The following THSD7A variants were observed in gnomAD, a reference collection of about 807,000 sequenced individuals.
The protein encoded by THSD7A is thrombospondin type-1 domain-containing protein 7A.
In THSD7A, 96 loss-of-function variants were observed where a neutral mutation model predicts 231.3. The ratio of observed to expected loss-of-function variants is 0.41; its 90% CI spans 0.35 to 0.49. THSD7A has a LOEUF of 0.49. Among genes scored for constraint, THSD7A ranks in the 20% least tolerant of loss-of-function variants. The pLI is 0.05. For missense variants in THSD7A, 2,290 were observed against 2,070.2 expected (o/e 1.11, Z -2.06); for synonymous variants, 940 against 743.3 (o/e 1.26, Z -4.30).
chr7:11,550,776 A>C (rs1023280952), intron 4 of THSD7A, among the ~76,000 whole-genome samples: 1 of 152,200 alleles, frequency 6.6e-6, no homozygotes, highest in African/African-American at 2.4e-5. Context: ...ATTCTGCCCA[A>C]AACAATTTAC....
At chr7:11,502,914 A>G (rs1002983851) in intron 6 of THSD7A, among the ~76,000 whole-genome samples, 1 of 152,206 alleles carries the variant, frequency 6.6e-6, no homozygotes, top group South Asian at 2.1e-4. Flanking sequence ...ATTCCTATCA[A>G]TCCATCAATA....
intron 2 of THSD7A, among the ~76,000 whole-genome samples, chr7:11,623,841 G>T (rs1781394088): frequency 6.6e-6 from 1 of 152,128 alleles, no homozygotes; most frequent in South Asian, 2.1e-4. Context: ...TAGTGTTCTG[G>T]CCACCTGAAA....
At position 11,401,170 on chromosome 7, in the gene THSD7A, T is replaced by C. The variant is rs115779715; in HGVS notation, c.4411+625A>G. 7.8e-3 allele frequency among the ~76,000 whole-genome samples: 1,192 copies of C among 152,322 alleles called. 22 individuals are homozygous for C. Among genetic ancestry groups the C allele is most frequent in the African/African-American group, 0.027 (1,123 of 41,562 alleles). On this transcript the variant is annotated intron_variant, in intron 23 of 27. Transcript: ENST00000423059. ...TTGTAATTTTTATTTAATTGTGTCA[T>C]TTGATTTAAATAAATTGAAGATTGT...
At chr7:11,476,568 G>A (rs1786192693) in intron 7 of THSD7A, among the ~76,000 whole-genome samples, 1 of 152,104 alleles carries the variant, frequency 6.6e-6, no homozygotes, top group African/African-American at 2.4e-5. Flanking sequence ...TGTACTTCCA[G>A]CACTTTAGGG....
chr7:11,467,741 C>T (rs933068867), intron 9 of THSD7A, among the ~76,000 whole-genome samples: 1 of 144,768 alleles, frequency 6.9e-6, no homozygotes, highest in African/African-American at 2.4e-5. Context: ...GTTTTTTACT[C>T]CTAAAAAACC....
intron 5 of THSD7A, 118 bp downstream of exon 5, chr7:11,542,844 G>A (rs1789210872): frequency 8.8e-7 from 1 of 1,133,764 alleles, no homozygotes; most frequent in South Asian, 1.7e-5. Flanking sequence ...GAAATTAATA[G>A]TCTTTAGCCA....
At chr7:11,416,908 T>G (rs986718438) in intron 17 of THSD7A, among the ~76,000 whole-genome samples, 2 of 152,178 alleles carry the variant, frequency 1.3e-5, no homozygotes, top group Admixed American at 1.3e-4. Context: ...ACAGAGTCAG[T>G]GTGTAAAGAG....
At chr7:11,454,518 T>C (rs541440636) in intron 11 of THSD7A, among the ~76,000 whole-genome samples, 53 of 152,000 alleles carry the variant, frequency 3.5e-4, no homozygotes, top group African/African-American at 1.2e-3. Context: ...AGTCATCCTA[T>C]ATTTAAATGC....
chr7:11,523,825 C>T (rs10278586), intron 6 of THSD7A, among the ~76,000 whole-genome samples: 37,256 of 151,714 alleles, frequency 0.25, 5,433 homozygotes, highest in African/African-American at 0.41. Flanking sequence ...GTCATTCTTT[C>T]AGGTCTTATT....
intron 1 of THSD7A, among the ~76,000 whole-genome samples, chr7:11,796,331 G>T (rs190949026): frequency 7.1e-6 from 1 of 140,008 alleles, no homozygotes; most frequent in South Asian, 2.3e-4. Context: ...GGTAAGAAAT[G>T]TCCATCCACT....
At chr7:11,533,041 T>C (rs1442419325) in intron 6 of THSD7A, among the ~76,000 whole-genome samples, 1 of 152,156 alleles carries the variant, frequency 6.6e-6, no homozygotes, top group Middle Eastern at 3.2e-3. Context: ...GACTCACATG[T>C]AGCCCAAAAT....
intron 4 of THSD7A, among the ~76,000 whole-genome samples, chr7:11,552,668 C>T (rs191423119): frequency 4.6e-5 from 7 of 152,200 alleles, no homozygotes; most frequent in Non-Finnish European, 7.4e-5. Flanking sequence ...AATTGAGCTG[C>T]AGTCATAGAA....
chr7:11,501,083 T>C (rs1354207727), intron 6 of THSD7A, among the ~76,000 whole-genome samples: 5 of 150,222 alleles, frequency 3.3e-5, no homozygotes, highest in African/African-American at 1.2e-4. Flanking sequence ...GACTTAGCTA[T>C]CCTAAATATA....
intron 4 of THSD7A, among the ~76,000 whole-genome samples, chr7:11,546,568 C>T (rs1004774561): frequency 6.6e-6 from 1 of 152,188 alleles, no homozygotes; most frequent in Non-Finnish European, 1.5e-5. Context: ...AAGCCACATT[C>T]AACAGACAGC....
intron 26 of THSD7A, chr7:11,378,188 T>A (rs1291602300): frequency 6.6e-6 from 1 of 152,198 alleles, no homozygotes; most frequent in East Asian, 1.9e-4. Flanking sequence ...ATTCCTTCCA[T>A]CTTTTCTCAT....
chr7:11,468,142 C>G (rs17631216), intron 9 of THSD7A, among the ~76,000 whole-genome samples: 58,614 of 151,820 alleles, frequency 0.39, 11,667 homozygotes, highest in Middle Eastern at 0.49. Context: ...TAACAATTTG[C>G]TTATAAATGT....
intron 6 of THSD7A, among the ~76,000 whole-genome samples, chr7:11,507,881 C>T (rs1399109154): frequency 6.6e-6 from 1 of 152,110 alleles, no homozygotes; most frequent in African/African-American, 2.4e-5. Context: ...TGTGCTCACA[C>T]TGCTGTAAAG....
In THSD7A at chr7:11,761,189, C is replaced by A. The variant is rs557004445; in HGVS notation, c.190+70568G>T. Among the ~76,000 whole-genome samples, 39 of 151,846 alleles carry A rather than the reference C, an allele frequency of 2.6e-4. No homozygotes were observed. In the East Asian group the frequency reaches 6.0e-3, roughly 23 times the overall value. On this transcript the variant is annotated intron_variant, in intron 1 of 27. Transcript: ENST00000423059. ...TCTTTATATTCAATTTTTAAAAAAGCAAATTCATTTTGAAATACAGAATTT... is the reference window on the plus strand; with the variant it reads ...TCTTTATATTCAATTTTTAAAAAAGAAAATTCATTTTGAAATACAGAATTT...
intron 1 of THSD7A, among the ~76,000 whole-genome samples, chr7:11,664,517 A>G (rs534900706): frequency 6.6e-6 from 1 of 152,122 alleles, no homozygotes; most frequent in South Asian, 2.1e-4. Context: ...TTCTAGAGAT[A>G]AGAAATCCCA....
Sources: gnomAD v4.1 joint callset for allele counts (sites outside exome capture counted in the v4.1 genomes callset) on GRCh38, gnomAD v4.1.1 for gene constraint, MANE v1.5 for transcripts, NCBI Gene and HGNC (gene_info 2026-07-23, HGNC 2026-07-21) for gene names.